The following TJP2 variants were observed in gnomAD, a reference collection of about 807,000 sequenced individuals.
The protein encoded by TJP2 is Friedreich ataxia region gene X104 (tight junction protein ZO-2).
TJP2 carries 91 observed loss-of-function variants against 133.1 expected under a neutral mutation model. The observed-to-expected ratio is 0.68, with a 90% CI of 0.58 to 0.81. The LOEUF (loss-of-function observed/expected upper bound fraction) is 0.81, where lower values mean the gene tolerates loss of function less well. TJP2 is among the 40% of genes least tolerant of loss of function. The pLI is 0.00. For missense variants in TJP2, 1,541 were observed against 1,565.6 expected (o/e 0.98, Z 0.26); for synonymous variants, 592 against 583.4 (o/e 1.01, Z -0.21).
chr9:69,167,855 G>A (rs1218097946), intron 2 of TJP2, among the ~76,000 whole-genome samples: 5 of 129,526 alleles, frequency 3.9e-5, no homozygotes, highest in South Asian at 2.6e-4. Context: ...GCAAGAGAGC[G>A]AGAGTCTGTC....
At chr9:69,210,299 C>CCCCAAA (rs377382335) in intron 1 of TJP2, among the ~76,000 whole-genome samples, 1 of 28,668 alleles carries the variant, frequency 3.5e-5, no homozygotes, top group African/African-American at 1.3e-4. Context: ...CCCCCCCCCC[C>CCCCAAA]AAAAAAAAAA....
At chr9:69,174,108 G>C (rs938004792), upstream of TJP2, 1 of 1,174,844 alleles carries the variant, frequency 8.5e-7, no homozygotes, top group Non-Finnish European at 1.0e-6. Context: ...GCCCTTCCCC[G>C]GCAGGCGCGT....
At chr9:69,156,688 C>T (rs1208411736) in intron 2 of TJP2, among the ~76,000 whole-genome samples, 4 of 151,876 alleles carry the variant, frequency 2.6e-5, no homozygotes, top group Non-Finnish European at 5.9e-5. Context: ...CCCGCCACTG[C>T]GCCCGGCTAA....
At chr9:69,221,559 A>AT (rs113816166) in intron 5 of TJP2, 63 bp downstream of exon 5, 14,082 of 1,221,398 alleles carry the variant, frequency 0.012, 1 homozygote, top group Non-Finnish European at 0.013. Flanking sequence ...TGTTTTCTTA[A>AT]TTTTTTTTTT....
intron 3 of TJP2, among the ~76,000 whole-genome samples, chr9:69,216,745 T>TG (rs1187889127): frequency 2.0e-5 from 3 of 152,172 alleles, no homozygotes; most frequent in Non-Finnish European, 4.4e-5. Flanking sequence ...TTTCTGAACA[T>TG]GGAGTTTTAA....
At chr9:69,226,209 A>G (rs1452189071) in intron 7 of TJP2, 34 bp downstream of exon 7, 1 of 1,611,840 alleles carries the variant, frequency 6.2e-7, no homozygotes, top group Non-Finnish European at 8.5e-7. Context: ...CTTAGCTGGA[A>G]GTAAGGAAGG....
chr9:69,234,591 G>GGGGGGGC, intron 12 of TJP2, 44 bp downstream of exon 12: 7 of 572,842 alleles, frequency 1.2e-5, no homozygotes, highest in Admixed American at 2.1e-5. Context: ...TGGGGGTGGG[G>GGGGGGGC]AGTGGGAAGG....
At chr9:69,197,373 A>T (rs1026584480) in intron 1 of TJP2, among the ~76,000 whole-genome samples, 3 of 152,354 alleles carry the variant, frequency 2.0e-5, no homozygotes, top group Non-Finnish European at 2.9e-5. Flanking sequence ...TTATCCAGTC[A>T]TCAGTTGATG....
intron 1 of TJP2, among the ~76,000 whole-genome samples, chr9:69,141,920 T>C (rs1823035766): frequency 1.3e-5 from 2 of 152,198 alleles, no homozygotes; most frequent in Non-Finnish European, 2.9e-5. Context: ...CCCTGTGTTG[T>C]GGTCTTAGTC....
At chr9:69,210,286 C>CA (rs1827778756) in intron 1 of TJP2, among the ~76,000 whole-genome samples, 1 of 9,702 alleles carries the variant, frequency 1.0e-4, no homozygotes, top group Non-Finnish European at 2.2e-4. Flanking sequence ...GAGACCCCGT[C>CA]CCCCCCCCCC....
intron 1 of TJP2, among the ~76,000 whole-genome samples, chr9:69,198,784 T>G (rs1003217591): frequency 3.9e-5 from 6 of 152,200 alleles, no homozygotes; most frequent in African/African-American, 1.4e-4. Flanking sequence ...GAAATACTTG[T>G]GGAATAAACG....
chr9:69,156,676 C>T (rs1026824342), intron 2 of TJP2, among the ~76,000 whole-genome samples: 7 of 151,626 alleles, frequency 4.6e-5, no homozygotes, highest in East Asian at 1.9e-4. Context: ...GGACTACAGG[C>T]GCCCGCCACT....
At chr9:69,191,180 C>G (rs1361178546) in intron 1 of TJP2, among the ~76,000 whole-genome samples, 2 of 152,320 alleles carry the variant, frequency 1.3e-5, no homozygotes, top group South Asian at 2.1e-4. Context: ...GACCTGATAA[C>G]AAGGGCCACT....
chr9:69,187,477 A>G (rs1825932563), intron 1 of TJP2, among the ~76,000 whole-genome samples: 2 of 152,190 alleles, frequency 1.3e-5, no homozygotes, highest in Admixed American at 1.3e-4. Context: ...TATACTGACT[A>G]TGTTAGTGTA....
At chr9:69,171,585 T>C (rs1393928560), upstream of TJP2, among the ~76,000 whole-genome samples, 1 of 152,118 alleles carries the variant, frequency 6.6e-6, no homozygotes, top group Admixed American at 6.6e-5. Flanking sequence ...CTTTAGAATG[T>C]ATAAGCAACC....
chr9:69,211,784 AT>A (rs1408730188), intron 1 of TJP2, among the ~76,000 whole-genome samples: 1 of 151,850 alleles, frequency 6.6e-6, no homozygotes, highest in African/African-American at 2.4e-5. Flanking sequence ...GTGTGCTGGT[AT>A]TTTTTTCCCC....
intron 16 of TJP2, among the ~76,000 whole-genome samples, chr9:69,239,226 C>G (rs1160400286): frequency 6.6e-6 from 1 of 151,672 alleles, no homozygotes; most frequent in African/African-American, 2.4e-5. Flanking sequence ...AACCGTTTCA[C>G]TGTGTGGAAA....
chr9:69,186,331 C>T (rs1372537420), intron 1 of TJP2, among the ~76,000 whole-genome samples: 4 of 152,108 alleles, frequency 2.6e-5, no homozygotes, highest in Non-Finnish European at 4.4e-5. Flanking sequence ...GTACTACTTC[C>T]GAAGGCTCCT....
intron 2 of TJP2, among the ~76,000 whole-genome samples, chr9:69,158,694 C>G (rs961493366): frequency 1.3e-5 from 2 of 152,106 alleles, no homozygotes; most frequent in South Asian, 4.1e-4. Context: ...CTCAAGCAAT[C>G]CTCCTGCTTC....
Sources: gnomAD v4.1 joint callset for allele counts (sites outside exome capture counted in the v4.1 genomes callset) on GRCh38, gnomAD v4.1.1 for gene constraint, MANE v1.5 for transcripts, NCBI Gene and HGNC (gene_info 2026-07-23, HGNC 2026-07-21) for gene names.